Variants in FSTL5 observed in about 807,000 individuals in gnomAD.
FSTL5 encodes the protein follistatin-related protein 5.
FSTL5 carries 62 observed loss-of-function variants against 89.1 expected under a neutral mutation model. The observed-to-expected ratio is 0.70, with a 90% CI of 0.57 to 0.86. FSTL5 has a LOEUF of 0.86. Ranked by LOEUF, FSTL5 falls within the 40% of genes least tolerant of loss-of-function variation. The pLI, the probability that FSTL5 is intolerant of heterozygous loss-of-function variation, is 0.00. For missense variants in FSTL5, 1,057 were observed against 1,001.6 expected (o/e 1.06, Z -0.75); for synonymous variants, 383 against 346.2 (o/e 1.11, Z -1.18).
chr4:161,461,850 T>G (rs1267598966), intron 13 of FSTL5, among the ~76,000 whole-genome samples: 1 of 152,172 alleles, frequency 6.6e-6, no homozygotes, highest in Non-Finnish European at 1.5e-5. Context: ...TAGCCTATTT[T>G]GCATGCAGCT....
chr4:162,131,996 G>GGT (rs1241644127), intron 1 of FSTL5, among the ~76,000 whole-genome samples: 2 of 152,212 alleles, frequency 1.3e-5, no homozygotes, highest in African/African-American at 4.8e-5. Flanking sequence ...TTGCAATATA[G>GGT]GTGGCGCAAG....
chr4:161,976,252 T>C (rs905867065), intron 3 of FSTL5, among the ~76,000 whole-genome samples: 1 of 152,118 alleles, frequency 6.6e-6, no homozygotes, highest in Non-Finnish European at 1.5e-5. Context: ...GATGGGGAAT[T>C]AGTGCTACTA....
intron 6 of FSTL5, among the ~76,000 whole-genome samples, chr4:161,675,846 C>A (rs1356292554): frequency 1.3e-5 from 2 of 151,850 alleles, no homozygotes; most frequent in African/African-American, 4.8e-5. Flanking sequence ...TAATAAAAGT[C>A]ATATTTTTGT....
chr4:161,732,691 A>G (rs1215866337), intron 6 of FSTL5, among the ~76,000 whole-genome samples: 1 of 152,028 alleles, frequency 6.6e-6, no homozygotes, highest in East Asian at 1.9e-4. Context: ...GTAAGGATTA[A>G]AGTGTGTTTG....
At chr4:161,580,433 A>G (rs1179160946) in intron 8 of FSTL5, among the ~76,000 whole-genome samples, 2 of 152,208 alleles carry the variant, frequency 1.3e-5, no homozygotes, top group African/African-American at 4.8e-5. Flanking sequence ...AGGTTCAACT[A>G]GTTTTGATTT....
intron 1 of FSTL5, among the ~76,000 whole-genome samples, chr4:162,161,041 C>G (rs908533290): frequency 6.6e-6 from 1 of 151,778 alleles, no homozygotes; most frequent in Non-Finnish European, 1.5e-5. Flanking sequence ...ACAAATTGAG[C>G]ACGTCATGTA....
chr4:161,410,395 C>G (rs1454106662), intron 15 of FSTL5, among the ~76,000 whole-genome samples: 1 of 152,184 alleles, frequency 6.6e-6, no homozygotes, highest in African/African-American at 2.4e-5. Context: ...ATCTACAGAA[C>G]ACTCCACCCA....
intron 6 of FSTL5, among the ~76,000 whole-genome samples, chr4:161,728,537 T>C (rs1263725285): frequency 1.3e-5 from 2 of 152,122 alleles, no homozygotes; most frequent in Non-Finnish European, 2.9e-5. Flanking sequence ...AAAATGTTTA[T>C]AGGACCATTC....
At chr4:161,831,468 T>C (rs1051938044) in intron 4 of FSTL5, among the ~76,000 whole-genome samples, 1 of 151,828 alleles carries the variant, frequency 6.6e-6, no homozygotes, top group East Asian at 1.9e-4. Context: ...ATACAAAACT[T>C]AGAAATAAAA....
chr4:161,820,374 G>A (rs1730453184), intron 4 of FSTL5, among the ~76,000 whole-genome samples: 1 of 152,002 alleles, frequency 6.6e-6, no homozygotes, highest in South Asian at 2.1e-4. Context: ...ATATATTAAG[G>A]ATTAATTCCA....
intron 10 of FSTL5, among the ~76,000 whole-genome samples, chr4:161,518,247 T>G (rs1269986844): frequency 6.6e-6 from 1 of 152,210 alleles, no homozygotes; most frequent in East Asian, 1.9e-4. Flanking sequence ...GCCAGAAAAC[T>G]GTGACCTTAA....
chr4:161,560,565 A>AT (rs35714314), intron 8 of FSTL5, among the ~76,000 whole-genome samples: 10 of 151,420 alleles, frequency 6.6e-5, no homozygotes, highest in African/African-American at 2.2e-4. Flanking sequence ...ATTTTATAAG[A>AT]TTTTTTTTCT....
chr4:161,481,934 A>G (rs1729524810), intron 12 of FSTL5, among the ~76,000 whole-genome samples: 1 of 152,210 alleles, frequency 6.6e-6, no homozygotes, highest in African/African-American at 2.4e-5. Context: ...CATAAGTAAA[A>G]GCGTATGAAA....
intron 2 of FSTL5, among the ~76,000 whole-genome samples, chr4:162,045,353 T>A (rs1738129968): frequency 6.6e-6 from 1 of 152,046 alleles, no homozygotes; most frequent in Non-Finnish European, 1.5e-5. Flanking sequence ...TACAGATTAA[T>A]TTCAATATAT....
intron 7 of FSTL5, among the ~76,000 whole-genome samples, chr4:161,629,148 C>T (rs1357245977): frequency 6.6e-6 from 1 of 152,158 alleles, no homozygotes; most frequent in Non-Finnish European, 1.5e-5. Flanking sequence ...AACCCTGTGG[C>T]TGTCCAACAT....
At chr4:161,573,412 CAAAAAAA>C (rs59381258) in intron 8 of FSTL5, among the ~76,000 whole-genome samples, 13 of 119,684 alleles carry the variant, frequency 1.1e-4, no homozygotes, top group African/African-American at 3.1e-4. Flanking sequence ...AAAACCCTGT[CAAAAAAA>C]AAAAAAAAAA....
At chr4:161,639,402 C>T (rs1339359034) in intron 7 of FSTL5, among the ~76,000 whole-genome samples, 2 of 152,054 alleles carry the variant, frequency 1.3e-5, no homozygotes, top group African/African-American at 2.4e-5. Context: ...TTGCTTAAAA[C>T]GTTATAGGTG....
At chr4:161,621,267 T>TACAC (rs146037793) in intron 7 of FSTL5, among the ~76,000 whole-genome samples, 2,165 of 146,122 alleles carry the variant, frequency 0.015, 34 homozygotes, top group African/African-American at 0.039. Context: ...ATGTAAAGAC[T>TACAC]ACACACACAC....
At chr4:161,980,764 CTTTTTTTTTTTTTTTTT>C (rs34223215) in intron 3 of FSTL5, among the ~76,000 whole-genome samples, 2 of 71,826 alleles carry the variant, frequency 2.8e-5, no homozygotes, top group Non-Finnish European at 5.0e-5. Context: ...CTTCAAGTAA[CTTTTTTTTTTTTTTTTT>C]TTTTTTTTTT....
Sources: allele counts gnomAD v4.1 joint callset (sites outside exome capture counted in the v4.1 genomes callset), GRCh38; gene constraint gnomAD v4.1.1; transcripts MANE v1.5; gene names NCBI Gene and HGNC (gene_info 2026-07-23, HGNC 2026-07-21).